Variants in NAA35 observed in about 807,000 individuals in gnomAD.
NAA35 encodes N-alpha-acetyltransferase 35, NatC auxiliary subunit, also known as MAK10 homolog, amino-acid N-acetyltransferase subunit.
In NAA35, 18 loss-of-function variants were observed where a neutral mutation model predicts 101.7. The ratio of observed to expected loss-of-function variants is 0.18; its 90% CI spans 0.12 to 0.26. The LOEUF is 0.26. Among genes scored for constraint, NAA35 ranks in the 10% least tolerant of loss-of-function variants. The pLI, the probability that NAA35 is intolerant of heterozygous loss-of-function variation, is 1.00. For missense variants in NAA35, 601 were observed against 886.8 expected, an observed-to-expected ratio of 0.68 and a Z score of 4.09; for synonymous variants, 267 against 273.1, an observed-to-expected ratio of 0.98 and a Z score of 0.22.
intron 18 of NAA35, 124 bp from the exon 19 acceptor site, chr9:86,017,374 C>T: frequency 1.4e-6 from 1 of 711,284 alleles, no homozygotes; most frequent in Non-Finnish European, 2.3e-6. Context: ...CCTGTAGGAA[C>T]ACACTGAAGT....
intron 16 of NAA35, 123 bp downstream of exon 16, chr9:86,013,267 A>G: frequency 1.9e-6 from 1 of 531,386 alleles, no homozygotes; most frequent in Non-Finnish European, 3.2e-6. Flanking sequence ...CTTTTCACTT[A>G]AAATATAACA....
chr9:85,996,000 G>A (rs149162764), intron 11 of NAA35, among the ~76,000 whole-genome samples: 2,134 of 152,180 alleles, frequency 0.014, 47 homozygotes, highest in African/African-American at 0.047. Flanking sequence ...AGTAATTGAG[G>A]GGAAGAGAAG....
At position 85,962,164 on chromosome 9, in the gene NAA35, C is replaced by T; in HGVS notation, c.500C>T (p.Ala167Val). The T allele has an allele frequency of 3.1e-6, 5 of 1,613,758 alleles. No homozygotes were observed. The highest frequency in any genetic ancestry group is 4.2e-6 in the Non-Finnish European group (5 of 1,179,922). The change falls in exon 6 of 23, where the codon GCT becomes GTT. Residue 167 changes from alanine to valine, a missense_variant. By Grantham distance (64) the Ala-to-Val change is moderately conservative. Around this residue, in one of 8 missense-constraint regions of NAA35, gnomAD observed 86 missense variants for 169.4 expected, o/e 0.51. Transcript: ENST00000361671. ...ATTGCAAGGGAAAAAGTAAATAAAGCTGCTGTTTTTGAAGAGGTAAGATTT... is the reference window on the plus strand; with the variant it reads ...ATTGCAAGGGAAAAAGTAAATAAAGTTGCTGTTTTTGAAGAGGTAAGATTT... The part of the protein sequence containing the change: ...CDIAREKVNK[A>V]AVFEEEDFQS...
chr9:85,999,879 C>T lies in NAA35; in HGVS notation c.1056+3302C>T, dbSNP rs186253200. Reference sequence around the variant, plus strand: ...TGTGAAGATGATAAATAACTGCTGTCCCACACTCTGTAGATGTTAGCATTT... The same window carrying T: ...TGTGAAGATGATAAATAACTGCTGTTCCACACTCTGTAGATGTTAGCATTT... On this transcript the variant is annotated intron_variant, in intron 12 of 22. Transcript: ENST00000361671. 2.0e-3 allele frequency among the ~76,000 whole-genome samples: 310 copies of T among 152,270 alleles called. 1 individual carries two copies. The highest frequency in any genetic ancestry group is 7.1e-3 in the African/African-American group (297 of 41,554).
At chr9:85,959,324 C>T (rs1215973614) in intron 4 of NAA35, among the ~76,000 whole-genome samples, 4 of 148,786 alleles carry the variant, frequency 2.7e-5, no homozygotes, top group Non-Finnish European at 5.9e-5. Flanking sequence ...TGCATTGAGC[C>T]GAGATCACGC....
chr9:85,996,586 A>G lies in NAA35; in HGVS notation c.1056+9A>G, dbSNP rs1325534697. 6.6e-7 allele frequency: 1 copy of G among 1,525,498 alleles called. No homozygotes were observed. Among genetic ancestry groups the G allele is most frequent in the East Asian group, 2.4e-5 (1 of 41,798 alleles). 94.5% of individuals were successfully genotyped at this position (1,525,498 alleles called of 1,614,324 possible). On this transcript the variant is annotated intron_variant, in intron 12 of 22. Transcript: ENST00000361671. ...ATTTACATTGTATCCTGGTAAGTAC[A>G]AATCTCTGTTCCAGAATGTAACTTC...
chr9:85,966,876 A>T (rs1256488532), intron 6 of NAA35, among the ~76,000 whole-genome samples: 1 of 152,126 alleles, frequency 6.6e-6, no homozygotes, highest in Admixed American at 6.5e-5. Context: ...GGAGGCCAAG[A>T]TGGGCAGATC....
chr9:86,001,203 A>G (rs1045845708), intron 12 of NAA35, among the ~76,000 whole-genome samples: 1 of 152,000 alleles, frequency 6.6e-6, no homozygotes, highest in South Asian at 2.1e-4. Context: ...GTTTTGAGCG[A>G]TTTTCATTGT....
chr9:85,950,894 T>A (rs1281893506), intron 2 of NAA35, among the ~76,000 whole-genome samples: 1 of 152,126 alleles, frequency 6.6e-6, no homozygotes, highest in Non-Finnish European at 1.5e-5. Context: ...CCTAGCACTT[T>A]GGGAGGCCAA....
intron 6 of NAA35, among the ~76,000 whole-genome samples, chr9:85,974,286 G>A (rs1830122475): frequency 6.6e-6 from 1 of 152,078 alleles, no homozygotes. Flanking sequence ...AGGAATTATA[G>A]TAGGCAGAAA....
intron 11 of NAA35, among the ~76,000 whole-genome samples, chr9:85,978,948 A>C (rs567606271): frequency 6.6e-4 from 101 of 152,296 alleles, no homozygotes; most frequent in African/African-American, 2.4e-3. Flanking sequence ...AGCAAGATGG[A>C]GTCAGCTATG....
rs1403981920 is a variant in NAA35, at chr9:86,024,101, C to A, written c.*2141C>A. Among the ~76,000 whole-genome samples, 1 of 152,244 alleles carries A rather than the reference C, an allele frequency of 6.6e-6. No individual in the cohort carries two copies. Among genetic ancestry groups the A allele is most frequent in the Non-Finnish European group, 1.5e-5 (1 of 68,054 alleles). On this transcript the variant is annotated 3_prime_UTR_variant, in exon 23 of 23. Coordinates refer to ENST00000361671, the MANE Select transcript of NAA35 (RefSeq NM_024635.4). ...AAAACAATAGGAGAAATAAGACAGT[C>A]TCCTGTCATAGAGCTTTTATCATCT...
At chr9:86,018,946 T>C in intron 21 of NAA35, 125 bp downstream of exon 21, 1 of 1,221,174 alleles carries the variant, frequency 8.2e-7, no homozygotes, top group Non-Finnish European at 1.1e-6. Context: ...TTGGCGTGTT[T>C]CTGCGAAGGA....
chr9:86,017,286 G>A (rs1398426698), intron 18 of NAA35, among the ~76,000 whole-genome samples: 1 of 152,102 alleles, frequency 6.6e-6, no homozygotes, highest in East Asian at 1.9e-4. Context: ...ACTTTATACT[G>A]GAATTTTATA....
At chr9:85,941,842 G>T in intron 1 of NAA35, 1 of 1,057,316 alleles carries the variant, frequency 9.5e-7, no homozygotes, top group Non-Finnish European at 1.1e-6. Context: ...ATTGAAAGTT[G>T]GAAGCTCTGG....
chr9:85,967,899 G>GC (rs1341947123), intron 6 of NAA35, among the ~76,000 whole-genome samples: 1 of 152,056 alleles, frequency 6.6e-6, no homozygotes, highest in Non-Finnish European at 1.5e-5. Flanking sequence ...CGTGTCTCCT[G>GC]ATCTGGAGAC....
intron 9 of NAA35, 68 bp from the exon 10 acceptor site, chr9:85,977,295 T>C: frequency 9.6e-7 from 1 of 1,041,870 alleles, no homozygotes; most frequent in Non-Finnish European, 1.5e-6. Context: ...GGAGTTAATA[T>C]ATTTTAAATG....
chr9:85,959,125 C>G (rs182841988), intron 4 of NAA35, among the ~76,000 whole-genome samples: 9 of 151,782 alleles, frequency 5.9e-5, no homozygotes, highest in Non-Finnish European at 1.3e-4. Context: ...GCCTGTAATC[C>G]CAGCACTTTG....
In NAA35 at chr9:85,942,293, A is replaced by C. The variant is rs781587432; in HGVS notation, c.124+10A>C. The C allele has an allele frequency of 3.1e-6, 5 of 1,612,486 alleles. No individual in the cohort carries two copies. In the Admixed American group the frequency reaches 8.4e-5, roughly 27 times the overall value. On this transcript the variant is annotated intron_variant, in intron 2 of 22. Coordinates refer to ENST00000361671, the MANE Select transcript of NAA35 (RefSeq NM_024635.4). ...GAAGAAGCTTGTCGAGGTGAGTCTG[A>C]TTTTTGGATTAGAAGTTCAGCATCT...
Sources: gnomAD v4.1 joint callset for allele counts (sites outside exome capture counted in the v4.1 genomes callset) on GRCh38, gnomAD v4.1.1 for gene constraint, gnomAD v4.1.1 regional missense constraint, MANE v1.5 for transcripts, NCBI Gene and HGNC (gene_info 2026-07-23, HGNC 2026-07-21) for gene names.